Variants in CCDC85C observed in about 807,000 individuals in gnomAD.
CCDC85C encodes coiled-coil domain containing 85C.
CCDC85C carries 18 observed loss-of-function variants against 38.3 expected under a neutral mutation model. That is an observed-to-expected ratio of 0.47 (90% CI 0.33 to 0.70). CCDC85C has a LOEUF of 0.70. Ranked by LOEUF, CCDC85C falls within the 30% of genes least tolerant of loss-of-function variation. The pLI is 0.03. For missense variants in CCDC85C, 566 were observed against 621.2 expected (o/e 0.91, Z 0.94); for synonymous variants, 264 against 293.8 (o/e 0.90, Z 1.04).
intron 2 of CCDC85C, among the ~76,000 whole-genome samples, chr14:99,524,233 G>A (rs1595340704): frequency 6.6e-6 from 1 of 152,106 alleles, no homozygotes. Flanking sequence ...CACACAGTCT[G>A]ACTACTGGGC....
intron 1 of CCDC85C, among the ~76,000 whole-genome samples, chr14:99,578,220 C>T (rs1181339334): frequency 1.0e-4 from 14 of 140,240 alleles, no homozygotes; most frequent in Non-Finnish European, 9.0e-5. Context: ...CCCATACAGC[C>T]CATCCTGTAT....
At chr14:99,590,380 C>T (rs1294035535) in intron 1 of CCDC85C, among the ~76,000 whole-genome samples, 2 of 152,172 alleles carry the variant, frequency 1.3e-5, no homozygotes, top group African/African-American at 4.8e-5. Context: ...GCATTGGTGG[C>T]AGGCTCACCA....
chr14:99,540,503 G>A (rs761949243), intron 1 of CCDC85C, among the ~76,000 whole-genome samples: 12 of 152,208 alleles, frequency 7.9e-5, no homozygotes, highest in Middle Eastern at 3.2e-3. Flanking sequence ...GGAGATGAGC[G>A]GGTAATTAAG....
chr14:99,510,006 G>T lies in CCDC85C; in HGVS notation c.*5240C>A. ...GTGGGGAGACATCTGGTGGCATCAG[G>T]ACATGGGGCATGGGCCCATGCGTTG... On this transcript the variant is annotated 3_prime_UTR_variant, in exon 6 of 6. Transcript: ENST00000380243. 4 of 718,262 alleles carry T rather than the reference G, an allele frequency of 5.6e-6. No homozygotes were observed. The highest frequency in any genetic ancestry group is 8.0e-4 in the Middle Eastern group (2 of 2,504). The allele number at this position is 718,262 out of a possible 1,614,324, so 44.5% of individuals were successfully genotyped here.
rs182014575 is a variant in CCDC85C, at chr14:99,588,373, G to A, written c.793+14794C>T. Among the ~76,000 whole-genome samples, 168 of 152,154 alleles carry A rather than the reference G, an allele frequency of 1.1e-3. 2 individuals are homozygous for A. Among genetic ancestry groups the A allele is most frequent in the Admixed American group, 0.01 (155 of 15,292 alleles). ...CCACCTTCTCCTCACCCCAGGCCCC[G>A]CCGGGTGCTCCTAAGCCTGCTGTTT... On this transcript the variant is annotated intron_variant, in intron 1 of 5. Transcript: ENST00000380243. This position sits in a 1 kb window ranked among gnomAD's most constrained non-coding sequence, Gnocchi z 5.0.
chr14:99,553,025 A>G (rs866408983), intron 1 of CCDC85C, among the ~76,000 whole-genome samples: 2 of 152,192 alleles, frequency 1.3e-5, no homozygotes, highest in Non-Finnish European at 2.9e-5. Flanking sequence ...GGCTTCCCCT[A>G]GCAGTGCCGG....
chr14:99,518,375 C>T (rs1045640104), intron 3 of CCDC85C, among the ~76,000 whole-genome samples: 1 of 152,094 alleles, frequency 6.6e-6, no homozygotes, highest in African/African-American at 2.4e-5. Context: ...GGAGGCCCCC[C>T]GAGCCCTGGG....
chr14:99,560,259 C>T (rs2180383), intron 1 of CCDC85C, among the ~76,000 whole-genome samples: 62,818 of 152,052 alleles, frequency 0.41, 14,548 homozygotes, highest in African/African-American at 0.61. Flanking sequence ...CGGGCACCAA[C>T]GCTGCAGCCA....
Position 99,513,377 on chromosome 14 carries a change from G to A in CCDC85C, c.*1869C>T, listed in dbSNP as rs1897169298. 6.6e-6 allele frequency: 1 copy of A among 152,192 alleles called. No individual in the cohort carries two copies. Among genetic ancestry groups the A allele is most frequent in the Non-Finnish European group, 1.5e-5 (1 of 68,042 alleles). 9.4% of individuals were successfully genotyped at this position (152,192 alleles called of 1,614,324 possible). Reference sequence around the variant, plus strand: ...AATCACTGGGTACCATGAGCAGCAGGTGTTCACCCAACTTCACGTGTACAC... The same window carrying A: ...AATCACTGGGTACCATGAGCAGCAGATGTTCACCCAACTTCACGTGTACAC... On this transcript the variant is annotated 3_prime_UTR_variant, in exon 6 of 6. Transcript: ENST00000380243.
At chr14:99,517,250 G>C in intron 3 of CCDC85C, 67 bp from the exon 4 acceptor site, 4 of 1,269,854 alleles carry the variant, frequency 3.1e-6, no homozygotes, top group Non-Finnish European at 4.3e-6. Context: ...CGGTGGCTCA[G>C]ACAAGGCCCC....
intron 2 of CCDC85C, among the ~76,000 whole-genome samples, chr14:99,527,415 G>A (rs534717933): frequency 1.3e-5 from 2 of 152,320 alleles, no homozygotes; most frequent in African/African-American, 4.8e-5. Flanking sequence ...GGGTAATGCG[G>A]GGCAGGTATT....
At chr14:99,563,867 G>A (rs879525056) in intron 1 of CCDC85C, among the ~76,000 whole-genome samples, 16 of 152,188 alleles carry the variant, frequency 1.1e-4, no homozygotes, top group African/African-American at 2.4e-4. Flanking sequence ...CTCTGAGCAC[G>A]GCCTCCAGGG....
chr14:99,510,115 T>C lies in CCDC85C; in HGVS notation c.*5131A>G. ...CCAGGAGGCACTGAAAAAGCAACCA[T>C]TGCTGGCGGAGGCCGGGCACTGATG... On this transcript the variant is annotated 3_prime_UTR_variant, in exon 6 of 6. Coordinates refer to ENST00000380243, the MANE Select transcript of CCDC85C (RefSeq NM_001144995.2). The C allele has an allele frequency of 8.4e-6, 13 of 1,555,972 alleles. No homozygotes were observed. The highest frequency in any genetic ancestry group is 1.1e-5 in the Non-Finnish European group (13 of 1,156,484).
chr14:99,503,831 C>G lies in CCDC85C; in HGVS notation c.*11415G>C. ...TGATCATAGATTCTAAAATTGTGCT[C>G]TTACGAAGCTATCAGTACAGAAAAC... is the stretch of plus-strand genomic sequence containing the variant. On this transcript the variant is annotated 3_prime_UTR_variant, in exon 6 of 6. Transcript: ENST00000380243. 3.4e-6 allele frequency: 2 copies of G among 591,080 alleles called. No individual in the cohort carries two copies. Among genetic ancestry groups the G allele is most frequent in the South Asian group, 4.3e-5 (2 of 46,388 alleles). 36.6% of individuals were successfully genotyped at this position (591,080 alleles called of 1,614,324 possible). A position where few individuals can be genotyped will look rare whatever the true frequency, so the allele number is the denominator to read the frequency against.
intron 1 of CCDC85C, among the ~76,000 whole-genome samples, chr14:99,561,682 G>C (rs1039457849): frequency 6.6e-6 from 1 of 152,174 alleles, no homozygotes. Context: ...CAGGGGCCCA[G>C]GCGCACACCA....
Position 99,530,764 on chromosome 14 carries a change from G to A in CCDC85C, c.867+5251C>T, listed in dbSNP as rs545932559. Among the ~76,000 whole-genome samples the A allele has an allele frequency of 1.5e-3, 227 of 152,350 alleles. 2 individuals carry two copies. Among genetic ancestry groups the A allele is most frequent in the African/African-American group, 5.3e-3 (222 of 41,590 alleles). The stretch of plus-strand genomic sequence containing the variant: ...GCGCTGGGCATCACCTCCCAGGTGA[G>A]GACACTGAGACTCTGGGAGAGAGAG... On this transcript the variant is annotated intron_variant, in intron 2 of 5. Coordinates refer to ENST00000380243, the MANE Select transcript of CCDC85C (RefSeq NM_001144995.2).
intron 1 of CCDC85C, among the ~76,000 whole-genome samples, chr14:99,554,076 T>C (rs1033940559): frequency 6.6e-6 from 1 of 152,114 alleles, no homozygotes; most frequent in African/African-American, 2.4e-5. Flanking sequence ...CGGCTCCACT[T>C]GCTCTGTGAA....
In CCDC85C at chr14:99,502,497, G is replaced by A; in HGVS notation, c.*12749C>T. ...GACATATGTGAGCAATATTTCAGAA[G>A]CATCATTAATTAAATTATCTAATAG... On this transcript the variant is annotated 3_prime_UTR_variant, in exon 6 of 6. Transcript: ENST00000380243. 7.1e-7 allele frequency: 1 copy of A among 1,413,986 alleles called. No homozygotes were observed. Among genetic ancestry groups the A allele is most frequent in the Admixed American group, 2.7e-5 (1 of 36,484 alleles). 87.6% of individuals were successfully genotyped at this position (1,413,986 alleles called of 1,614,324 possible).
Position 99,510,975 on chromosome 14 carries a change from G to A in CCDC85C, c.*4271C>T. On this transcript the variant is annotated 3_prime_UTR_variant, in exon 6 of 6. Coordinates refer to ENST00000380243, the MANE Select transcript of CCDC85C (RefSeq NM_001144995.2). ...AGGACGGGGACAACCAGCTTTCAGA[G>A]TAGCCTCATCAGTGCCCTTGCAGTC... 2.3e-6 allele frequency: 1 copy of A among 429,914 alleles called. No individual in the cohort carries two copies. The highest frequency in any genetic ancestry group is 3.7e-5 in the East Asian group (1 of 27,236). The allele number at this position is 429,914 out of a possible 1,614,324, so 26.6% of individuals were successfully genotyped here. A position where few individuals can be genotyped will look rare whatever the true frequency, so the allele number is the denominator to read the frequency against.
Sources: gnomAD v4.1 joint callset for allele counts (sites outside exome capture counted in the v4.1 genomes callset) on GRCh38, gnomAD v4.1.1 for gene constraint, Gnocchi (gnomAD v3.1) non-coding constraint, MANE v1.5 for transcripts, NCBI Gene and HGNC (gene_info 2026-07-23, HGNC 2026-07-21) for gene names.